The following ADAM9 variants were observed in gnomAD, a reference collection of about 807,000 sequenced individuals.
ADAM9 encodes disintegrin and metalloproteinase domain-containing protein 9.
Under a neutral mutation model 108.1 loss-of-function variants are expected in ADAM9, and 54 were observed. That is an observed-to-expected ratio of 0.50 (90% CI 0.40 to 0.63). The LOEUF is 0.63. Ranked by LOEUF, ADAM9 falls within the 20% of genes least tolerant of loss-of-function variation. The probability of loss-of-function intolerance (pLI) is 0.00; values close to 1 mark genes in which losing one functional copy is unlikely to be tolerated. For synonymous variants in ADAM9, 316 were observed against 336.0 expected (o/e 0.94, Z 0.65); for missense variants, 830 against 997.7 (o/e 0.83, Z 2.26).
At position 39,017,164 on chromosome 8, in the gene ADAM9, T is replaced by C. The variant is rs1299012209; in HGVS notation, c.411-55T>C. 5.0e-6 allele frequency: 8 copies of C among 1,588,606 alleles called. No individual in the cohort carries two copies. In the Admixed American group the frequency reaches 8.4e-5, roughly 17 times the overall value. On this transcript the variant is annotated intron_variant, in intron 5 of 21. Transcript: ENST00000487273. ...TAGGACTTGAACTTAGGTTTTCTGA[T>C]TCCTTGTGTATTTTCTTTTTCTTAA... is the stretch of plus-strand genomic sequence containing the variant.
intron 20 of ADAM9, among the ~76,000 whole-genome samples, chr8:39,094,207 T>C (rs1839434244): frequency 6.6e-6 from 1 of 152,248 alleles, no homozygotes; most frequent in Admixed American, 6.5e-5. Flanking sequence ...TTCTGTTTTT[T>C]GTTTGTTAAT....
At chr8:39,062,655 C>T (rs1838334640) in intron 14 of ADAM9, among the ~76,000 whole-genome samples, 1 of 152,204 alleles carries the variant, frequency 6.6e-6, no homozygotes, top group Non-Finnish European at 1.5e-5. Context: ...TTGACACTTT[C>T]CTATCACCTA....
At chr8:39,027,881 C>A (rs971973896) in intron 11 of ADAM9, among the ~76,000 whole-genome samples, 6 of 151,438 alleles carry the variant, frequency 4.0e-5, no homozygotes, top group African/African-American at 1.5e-4. Flanking sequence ...CCAACCTGGG[C>A]AACACGGTGA....
intron 11 of ADAM9, among the ~76,000 whole-genome samples, chr8:39,033,996 G>A (rs1399818768): frequency 6.6e-6 from 1 of 152,126 alleles, no homozygotes; most frequent in Non-Finnish European, 1.5e-5. Flanking sequence ...TTAAAAATGG[G>A]ACGACAACAA....
At chr8:39,020,286 G>A (rs1836693243) in intron 7 of ADAM9, among the ~76,000 whole-genome samples, 1 of 151,890 alleles carries the variant, frequency 6.6e-6, no homozygotes, top group East Asian at 1.9e-4. Flanking sequence ...CACACAAAAT[G>A]TTCTTCTTCA....
intron 14 of ADAM9, among the ~76,000 whole-genome samples, chr8:39,069,979 TAAAAAA>T (rs869079193): frequency 8.5e-6 from 1 of 117,364 alleles, no homozygotes; most frequent in Non-Finnish European, 1.7e-5. Flanking sequence ...CTTGTCTCAC[TAAAAAA>T]AAAAAAAAAA....
intron 11 of ADAM9, among the ~76,000 whole-genome samples, chr8:39,033,260 A>G (rs1320138080): frequency 6.6e-6 from 1 of 152,174 alleles, no homozygotes; most frequent in Non-Finnish European, 1.5e-5. Flanking sequence ...ACTTTTGTAT[A>G]TTAACCCTGT....
intron 1 of ADAM9, among the ~76,000 whole-genome samples, chr8:39,002,131 A>G (rs921838057): frequency 4.2e-4 from 64 of 151,798 alleles, no homozygotes; most frequent in East Asian, 1.9e-4. Flanking sequence ...TAATTGAAAC[A>G]ATTTCTCTAC....
intron 8 of ADAM9, among the ~76,000 whole-genome samples, chr8:39,022,069 TGTG>T (rs1836760632): frequency 8.1e-6 from 1 of 123,354 alleles, no homozygotes; most frequent in African/African-American, 4.6e-5. Context: ...AATATTTGTG[TGTG>T]TGTGTGTGTG....
intron 8 of ADAM9, among the ~76,000 whole-genome samples, chr8:39,022,097 T>TGA (rs940452007): frequency 0.016 from 2,129 of 136,158 alleles, 25 homozygotes; most frequent in Middle Eastern, 0.032. Flanking sequence ...TGTGTGTGTG[T>TGA]GAGAGAGAGA....
In ADAM9 at chr8:39,077,627, A is replaced by C. The variant is rs79758900; in HGVS notation, c.1881+216A>C. Among the ~76,000 whole-genome samples the C allele has an allele frequency of 1.2e-3, 179 of 152,292 alleles. 3 individuals carry two copies. In the East Asian group the frequency reaches 0.026, roughly 22 times the overall value. ...AGATAACCAGTGTTTTCCACTTTGC[A>C]ATATACTGTGCATGGTTCCCTCCCC... is the stretch of plus-strand genomic sequence containing the variant. On this transcript the variant is annotated intron_variant, in intron 16 of 21. Transcript: ENST00000487273.
intron 10 of ADAM9, among the ~76,000 whole-genome samples, chr8:39,026,267 C>A (rs1019782848): frequency 6.6e-6 from 1 of 152,152 alleles, no homozygotes; most frequent in Non-Finnish European, 1.5e-5. Context: ...TCCCCACCTC[C>A]CGACAGGCCC....
At chr8:39,064,084 T>C (rs1283202828) in intron 14 of ADAM9, among the ~76,000 whole-genome samples, 1 of 152,208 alleles carries the variant, frequency 6.6e-6, no homozygotes, top group Non-Finnish European at 1.5e-5. Context: ...GGCAATCTCA[T>C]ACTGTTAGTA....
intron 11 of ADAM9, among the ~76,000 whole-genome samples, chr8:39,032,220 C>G (rs1454641815): frequency 1.3e-5 from 2 of 152,246 alleles, no homozygotes; most frequent in Admixed American, 1.3e-4. Context: ...CAGACAGGGA[C>G]GTTTAAATCT....
At chr8:39,098,863 G>A (rs902489013) in intron 20 of ADAM9, among the ~76,000 whole-genome samples, 3 of 152,088 alleles carry the variant, frequency 2.0e-5, no homozygotes. Context: ...TTTGAATCCT[G>A]AATTATAGTG....
In ADAM9 at chr8:39,011,656, A is replaced by T. The variant is rs770400649; in HGVS notation, c.196-2A>T. On this transcript the variant is annotated splice_acceptor_variant, in intron 2 of 21. Transcript: ENST00000487273. LOFTEE classifies it high-confidence loss of function. ...TATTCTTTTCCCCTTCTGTGCATTTAGGTATCTTATGTTATTCAGGCTGAA... is the reference window on the plus strand; with the variant it reads ...TATTCTTTTCCCCTTCTGTGCATTTTGGTATCTTATGTTATTCAGGCTGAA... 1.2e-6 allele frequency: 2 copies of T among 1,608,140 alleles called. No homozygotes were observed. Among genetic ancestry groups the T allele is most frequent in the Non-Finnish European group, 1.7e-6 (2 of 1,174,782 alleles).
intron 11 of ADAM9, among the ~76,000 whole-genome samples, chr8:39,038,901 T>C (rs1837367985): frequency 6.6e-6 from 1 of 152,234 alleles, no homozygotes; most frequent in Non-Finnish European, 1.5e-5. Flanking sequence ...TTCTTTCTTT[T>C]TTCTTTCTCT....
chr8:39,065,892 C>A (rs1162954827), intron 14 of ADAM9, among the ~76,000 whole-genome samples: 1 of 152,050 alleles, frequency 6.6e-6, no homozygotes, highest in Non-Finnish European at 1.5e-5. Context: ...CTAATGCTAT[C>A]CCTTCCCACT....
rs1838597097 is a variant in ADAM9 at position 39,069,219 on chromosome 8, C to A, written c.1592-2079C>A. ...CTAAGTTTTGTGCAGTCTCCTTTCC[C>A]AGTTCCATTGTCTGTGGGTTTATGA... is the stretch of plus-strand genomic sequence containing the variant. On this transcript the variant is annotated intron_variant, in intron 14 of 21. Transcript: ENST00000487273. Among the ~76,000 whole-genome samples, 4 of 151,964 alleles carry A rather than the reference C, an allele frequency of 2.6e-5. No homozygotes were observed. In the South Asian group the frequency reaches 8.3e-4, roughly 32 times the overall value.
Sources: allele counts gnomAD v4.1 joint callset (sites outside exome capture counted in the v4.1 genomes callset), GRCh38; gene constraint gnomAD v4.1.1; transcripts MANE v1.5; gene names NCBI Gene and HGNC (gene_info 2026-07-23, HGNC 2026-07-21).